The following CCL16 variants were observed in gnomAD, a reference collection of about 807,000 sequenced individuals.
The protein encoded by CCL16 is C-C motif chemokine 16.
In CCL16, 6 loss-of-function variants were observed where a neutral mutation model predicts 7.5. The observed-to-expected ratio is 0.80, with a 90% confidence interval of 0.44 to 1.57. The LOEUF is 1.57. Ranked by LOEUF, CCL16 falls within the 40% of genes most tolerant of loss-of-function variation. The probability of loss-of-function intolerance (pLI) is 0.01; values close to 1 mark genes in which losing one functional copy is unlikely to be tolerated. For synonymous variants in CCL16, 60 were observed against 57.7 expected (o/e 1.04, Z -0.18); for missense variants, 134 against 142.9 (o/e 0.94, Z 0.32).
In CCL16 at chr17:35,976,640, TTCTCTC is replaced by T. The variant is rs145311855; in HGVS notation, c.*920_*925del. On this transcript the variant is annotated 3_prime_UTR_variant, in exon 3 of 3. Coordinates refer to ENST00000611905, the MANE Select transcript of CCL16 (RefSeq NM_004590.4). ...AGATTTGTGTCTCTTCTTCTTCTTC[TTCTCTC>T]TCTCTCTCTTTTTTTTTTTTTTCCA... is the stretch of plus-strand genomic sequence containing the variant. 6.6e-6 allele frequency: 1 copy of T among 150,444 alleles called. No individual in the cohort carries two copies. Among genetic ancestry groups the T allele is most frequent in the Admixed American group, 6.7e-5 (1 of 14,988 alleles). 9.3% of individuals were successfully genotyped at this position (150,444 alleles called of 1,614,324 possible).
chr17:35,981,297 C>T, intron 1 of CCL16, 48 bp downstream of exon 1: 1 of 1,402,250 alleles, frequency 7.1e-7, no homozygotes, highest in Non-Finnish European at 1.0e-6. Context: ...CTGCCAGCTG[C>T]TCCATCCCCC....
chr17:35,981,190 G>T (rs756718676), intron 1 of CCL16, among the ~76,000 whole-genome samples, 155 bp downstream of exon 1: 1 of 152,104 alleles, frequency 6.6e-6, no homozygotes, highest in African/African-American at 2.4e-5. Context: ...TACTTACAAA[G>T]GGGAGAATTG....
rs552115710 is a variant in CCL16, at chr17:35,976,793, AT to A, written c.*772del. 5.9e-5 allele frequency: 9 copies of A among 152,278 alleles called. No individual in the cohort carries two copies. In the East Asian group the frequency reaches 1.4e-3, roughly 23 times the overall value. The allele number at this position is 152,278 out of a possible 1,614,324, so 9.4% of individuals were successfully genotyped here. Reference sequence around the variant, plus strand: ...TCCGGACTTCCTATGAAAAAGTTGCATTATAAAATGAAAGAATAATTGAAGA... The same window carrying A: ...TCCGGACTTCCTATGAAAAAGTTGCATATAAAATGAAAGAATAATTGAAGA... On this transcript the variant is annotated 3_prime_UTR_variant, in exon 3 of 3. Transcript: ENST00000611905.
chr17:35,980,776 T>C (rs1338842381), intron 1 of CCL16, among the ~76,000 whole-genome samples: 2 of 152,118 alleles, frequency 1.3e-5, no homozygotes, highest in Non-Finnish European at 2.9e-5. Context: ...AGATTTTATT[T>C]AGTCATAGGC....
Position 35,977,289 on chromosome 17 carries a change from C to T in CCL16, c.*277G>A, listed in dbSNP as rs2089644604. Reference sequence around the variant, plus strand: ...GCCAAGATCAAGTGAGCCAAGATCACACCACTGCACTCCAGCCTGGGTGAC... The same window carrying T: ...GCCAAGATCAAGTGAGCCAAGATCATACCACTGCACTCCAGCCTGGGTGAC... On this transcript the variant is annotated 3_prime_UTR_variant, in exon 3 of 3. Transcript: ENST00000611905. 1 of 187,312 alleles carries T rather than the reference C, an allele frequency of 5.3e-6. No individual in the cohort carries two copies. The highest frequency in any genetic ancestry group is 1.1e-5 in the Non-Finnish European group (1 of 92,900). 11.6% of individuals were successfully genotyped at this position (187,312 alleles called of 1,614,324 possible). A position where few individuals can be genotyped will look rare whatever the true frequency, so the allele number is the denominator to read the frequency against.
At chr17:35,979,602 T>G (rs1318685064) in intron 1 of CCL16, among the ~76,000 whole-genome samples, 5 of 152,166 alleles carry the variant, frequency 3.3e-5, no homozygotes, top group Non-Finnish European at 5.9e-5. Context: ...AGGATCATGG[T>G]TAGAATTCGG....
intron 2 of CCL16, 136 bp downstream of exon 2, chr17:35,978,007 C>T: frequency 8.0e-7 from 1 of 1,257,492 alleles, no homozygotes; most frequent in Non-Finnish European, 1.1e-6. Flanking sequence ...ATCCCAGGCC[C>T]CTGAGAGCCA....
chr17:35,977,707 T>C lies in CCL16; in HGVS notation c.222A>G (p.Glu74=), dbSNP rs762191626. Residue 74 remains glutamate, a synonymous_variant, in exon 3 of 3, where the codon GAA becomes GAG. Transcript: ENST00000611905. ...AIIFVTKRNR[E]VCTNPNDDWV... The stretch of plus-strand genomic sequence containing the variant: ...AGTCGTCATTGGGGTTGGTGCAGAC[T>C]TCTCGGTTCCTCTTGGTGACGAAGC... The C allele has an allele frequency of 6.2e-7, 1 of 1,612,184 alleles. No homozygotes were observed. The highest frequency in any genetic ancestry group is 1.7e-5 in the Admixed American group (1 of 60,022).
chr17:35,979,917 C>G lies in CCL16; in HGVS notation c.76+1428G>C, dbSNP rs80279844. Among the ~76,000 whole-genome samples, 97 of 152,284 alleles carry G rather than the reference C, an allele frequency of 6.4e-4. 1 individual carries two copies. In the East Asian group the frequency reaches 0.016, roughly 26 times the overall value. On this transcript the variant is annotated intron_variant, in intron 1 of 2. Coordinates refer to ENST00000611905, the MANE Select transcript of CCL16 (RefSeq NM_004590.4). Reference sequence around the variant, plus strand: ...TTTTTGTAGCTTGACCCCTTTGCCTCCAGTGAGTGGCAAAGCTTGGGACAT... The same window carrying G: ...TTTTTGTAGCTTGACCCCTTTGCCTGCAGTGAGTGGCAAAGCTTGGGACAT...
intron 1 of CCL16, among the ~76,000 whole-genome samples, chr17:35,981,092 T>C (rs1413103139): frequency 1.3e-5 from 2 of 152,142 alleles, no homozygotes; most frequent in Non-Finnish European, 2.9e-5. Flanking sequence ...TGATCATTCC[T>C]GCTCACCACG....
rs1330778248 is a variant in CCL16, at chr17:35,981,398, A to G, written c.23T>C (p.Leu8Pro). 3.1e-6 allele frequency: 5 copies of G among 1,612,540 alleles called. No individual in the cohort carries two copies. The highest frequency in any genetic ancestry group is 4.2e-6 in the Non-Finnish European group (5 of 1,179,406). Residue 8 changes from leucine to proline, a missense_variant, in exon 1 of 3, where the codon CTG (leucine) becomes CCG (proline). Physicochemically the swap from Leu to Pro is moderately conservative, Grantham distance 98 (BLOSUM62 -3). Coordinates refer to ENST00000611905, the MANE Select transcript of CCL16 (RefSeq NM_004590.4). ...GATAAGGATGAGGACAAGGAGAGAC[A>G]GGGCAGCCTCGGAGACCTTCATCCT... Reference protein sequence around the residue: MKVSEAALSLLVLILIIT... With the variant: MKVSEAAPSLLVLILIIT...
In CCL16 at chr17:35,978,239, G is replaced by A. The variant is rs1476690306; in HGVS notation, c.101C>T (p.Pro34Leu). The A allele has an allele frequency of 1.9e-6, 3 of 1,614,184 alleles. No individual in the cohort carries two copies. The highest frequency in any genetic ancestry group is 2.5e-6 in the Non-Finnish European group (3 of 1,180,030). The change falls in exon 2 of 3, where the codon CCA (proline) becomes CTA (leucine). Residue 34 changes from proline (P) to leucine (L), a missense_variant. Transcript: ENST00000611905. ...QPKVPEWVNT[P>L]STCCLKYYEK... ...ATAATACTTCAGGCAGCAGGTGGATGGGGTGTTCACCCACTCAGGAACTTC... is the reference window on the plus strand; with the variant it reads ...ATAATACTTCAGGCAGCAGGTGGATAGGGTGTTCACCCACTCAGGAACTTC...
rs865815886 is a variant in CCL16 at position 35,977,314 on chromosome 17, C to G, written c.*252G>C. ...CACCACTGCACTCCAGCCTGGGTGA[C>G]AGAGTAAGACCCTATCTCAAAAAAA... On this transcript the variant is annotated 3_prime_UTR_variant, in exon 3 of 3. Coordinates refer to ENST00000611905, the MANE Select transcript of CCL16 (RefSeq NM_004590.4). The G allele has an allele frequency of 4.1e-5, 9 of 218,076 alleles. No homozygotes were observed. Among genetic ancestry groups the G allele is most frequent in the Admixed American group, 2.9e-4 (5 of 17,348 alleles). 13.5% of individuals were successfully genotyped at this position (218,076 alleles called of 1,614,324 possible).
At chr17:35,977,866 TCAGA>T (rs2089650727) in intron 2 of CCL16, 135 bp from the exon 3 acceptor site, 1 of 991,446 alleles carries the variant, frequency 1.0e-6, no homozygotes, top group Non-Finnish European at 1.5e-6. Flanking sequence ...CTGGGTTCCC[TCAGA>T]CAGCCTCTCT....
intron 2 of CCL16, 21 bp downstream of exon 2, chr17:35,978,122 T>C: frequency 6.2e-7 from 1 of 1,614,164 alleles, no homozygotes; most frequent in Non-Finnish European, 8.5e-7. Context: ...TCCACAGAAA[T>C]ATCTAAAAGG....
In CCL16 at chr17:35,976,597, G is replaced by A. The variant is rs2089637439; in HGVS notation, c.*969C>T. On this transcript the variant is annotated 3_prime_UTR_variant, in exon 3 of 3. Transcript: ENST00000611905. ...ACCCTTTCTTTCCCTGTCCTGCAAA[G>A]CTTAACATGGGAGGTAGAGATTTGT... 1.3e-5 allele frequency: 2 copies of A among 151,596 alleles called. No homozygotes were observed. The highest frequency in any genetic ancestry group is 2.1e-4 in the South Asian group (1 of 4,794). 9.4% of individuals were successfully genotyped at this position (151,596 alleles called of 1,614,324 possible). A position where few individuals can be genotyped will look rare whatever the true frequency, so the allele number is the denominator to read the frequency against.
chr17:35,980,005 G>C (rs2141988058), intron 1 of CCL16, among the ~76,000 whole-genome samples: 2 of 152,268 alleles, frequency 1.3e-5, no homozygotes, highest in South Asian at 4.1e-4. Context: ...CTTGAAGCCT[G>C]AACCCACTGC....
At chr17:35,981,006 G>A (rs370041982) in intron 1 of CCL16, among the ~76,000 whole-genome samples, 70 of 152,002 alleles carry the variant, frequency 4.6e-4, no homozygotes, top group African/African-American at 1.7e-3. Context: ...TTTCTCATCC[G>A]CGTGCCTCCC....
At position 35,978,182 on chromosome 17, in the gene CCL16, C is replaced by T. The variant is rs2089654513; in HGVS notation, c.158G>A (p.Gly53Glu). The change falls in exon 2 of 3, where the codon GGA becomes GAA. Residue 53 changes from glycine to glutamate, a missense_variant. Physicochemically the swap from Gly to Glu is moderately conservative, Grantham distance 98. Transcript: ENST00000611905. Reference sequence around the variant, plus strand: ...GTGACAGTTGAGGGCCTTTCTGTATCCCACCACTAGTCTCCTTGGCAACAC... The same window carrying T: ...GTGACAGTTGAGGGCCTTTCTGTATTCCACCACTAGTCTCCTTGGCAACAC... The part of the protein sequence containing the change: ...EKVLPRRLVV[G>E]YRKALNCHLP... The T allele has an allele frequency of 1.2e-6, 2 of 1,614,066 alleles. No individual in the cohort carries two copies. Among genetic ancestry groups the T allele is most frequent in the Non-Finnish European group, 8.5e-7 (1 of 1,180,032 alleles).
Sources: allele counts gnomAD v4.1 joint callset (sites outside exome capture counted in the v4.1 genomes callset), GRCh38; gene constraint gnomAD v4.1.1; transcripts MANE v1.5; gene names NCBI Gene and HGNC (gene_info 2026-07-23, HGNC 2026-07-21).